Variants in RPL17 observed in about 807,000 individuals in gnomAD.
RPL17 encodes ribosomal protein L17.
Under a neutral mutation model 27.7 loss-of-function variants are expected in RPL17, and 2 were observed. The observed-to-expected ratio is 0.07, with a 90% CI of 0.03 to 0.23. The LOEUF (loss-of-function observed/expected upper bound fraction) is 0.23. Among genes scored for constraint, RPL17 ranks in the 10% least tolerant of loss-of-function variants. The probability of loss-of-function intolerance (pLI) is 1.00; values close to 1 mark genes in which losing one functional copy is unlikely to be tolerated. For missense variants in RPL17, 141 were observed against 238.8 expected (o/e 0.59, Z 2.70); for synonymous variants, 76 against 75.5 (o/e 1.01, Z -0.03).
intron 3 of RPL17, 149 bp from the exon 4 acceptor site, chr18:49,491,076 C>G: frequency 7.7e-7 from 1 of 1,297,988 alleles, no homozygotes; most frequent in African/African-American, 1.5e-5. Context: ...TGACTAAAAG[C>G]CAGGTAAACT....
chr18:49,489,320 T>G (rs780540405), intron 6 of RPL17, 39 bp downstream of exon 6: 2 of 1,608,950 alleles, frequency 1.2e-6, no homozygotes, highest in South Asian at 2.2e-5. Context: ...CACAAATCTT[T>G]CTACTATCAC....
In RPL17 at chr18:49,490,436, T is replaced by C; in HGVS notation, c.315+18A>G. 6.2e-7 allele frequency: 1 copy of C among 1,612,954 alleles called. No homozygotes were observed. On this transcript the variant is annotated intron_variant, in intron 5 of 6. Coordinates refer to ENST00000580261, the MANE Select transcript of RPL17 (RefSeq NM_001035006.5). Reference sequence around the variant, plus strand: ...AAACAACCACCCAAGTTGCACAGGATGTTAGTGGTTTGGGTACCTTAAGTT... The same window carrying C: ...AAACAACCACCCAAGTTGCACAGGACGTTAGTGGTTTGGGTACCTTAAGTT...
At chr18:49,489,135 T>C (rs2083875098) in intron 6 of RPL17, 2 of 450,688 alleles carry the variant, frequency 4.4e-6, no homozygotes, top group Admixed American at 6.9e-5. Context: ...TCTCCTGACC[T>C]TGTGATCCAC....
At chr18:49,489,237 G>A in intron 6 of RPL17, 122 bp downstream of exon 6, 1 of 1,014,026 alleles carries the variant, frequency 9.9e-7, no homozygotes, top group Non-Finnish European at 1.4e-6. Context: ...AATAAGACAG[G>A]TGAAAGGGTT....
At chr18:49,489,297 T>C in intron 6 of RPL17, 62 bp downstream of exon 6, 3 of 1,568,438 alleles carry the variant, frequency 1.9e-6, no homozygotes, top group Non-Finnish European at 2.6e-6. Context: ...CCTAAGATAG[T>C]CATCACAGCA....
At chr18:49,489,251 C>A in intron 6 of RPL17, 108 bp downstream of exon 6, 1 of 1,248,318 alleles carries the variant, frequency 8.0e-7, no homozygotes. Flanking sequence ...AAGGGTTGCT[C>A]AGAATAGTTT....
chr18:49,490,578 C>T, intron 4 of RPL17, 26 bp from the exon 5 acceptor site: 1 of 1,613,290 alleles, frequency 6.2e-7, no homozygotes, highest in South Asian at 1.1e-5. Context: ...GATGATGAGT[C>T]ATTTTCCTTG....
chr18:49,489,078 T>C (rs1319994682), intron 6 of RPL17: 1 of 289,932 alleles, frequency 3.4e-6, no homozygotes, highest in Non-Finnish European at 6.7e-6. Flanking sequence ...TTTTTTTGCA[T>C]TTTTAGTAGA....
In RPL17 at chr18:49,489,256, T is replaced by C. The variant is rs149792613; in HGVS notation, c.507+103A>G. On this transcript the variant is annotated intron_variant, in intron 6 of 6. Transcript: ENST00000580261. ...AGACAGGTGAAAGGGTTGCTCAGAA[T>C]AGTTTTCTTTCATAGTTATTCCAAA... is the stretch of plus-strand genomic sequence containing the variant. 188 of 1,288,814 alleles carry C rather than the reference T, an allele frequency of 1.5e-4. No individual in the cohort carries two copies. In the African/African-American group the frequency reaches 2.6e-3, roughly 18 times the overall value. 79.8% of individuals were successfully genotyped at this position (1,288,814 alleles called of 1,614,324 possible). A position where few individuals can be genotyped will look rare whatever the true frequency, so the allele number is the denominator to read the frequency against.
chr18:49,490,320 G>T, intron 5 of RPL17, 134 bp downstream of exon 5: 1 of 934,066 alleles, frequency 1.1e-6, no homozygotes, highest in Non-Finnish European at 1.6e-6. Context: ...TCATTCTGTG[G>T]AAACTGCAGG....
chr18:49,489,608 C>G, intron 5 of RPL17, 58 bp from the exon 6 acceptor site: 1 of 1,543,978 alleles, frequency 6.5e-7, no homozygotes, highest in Non-Finnish European at 8.8e-7. Context: ...TAAAACACCA[C>G]AAACTATCAT....
At chr18:49,490,728 C>G in intron 4 of RPL17, 65 bp downstream of exon 4, 1 of 1,610,150 alleles carries the variant, frequency 6.2e-7, no homozygotes, top group Non-Finnish European at 8.5e-7. Flanking sequence ...CTTAGCCATT[C>G]TTATCCTATC....
intron 4 of RPL17, 116 bp downstream of exon 4, chr18:49,490,672 GTGTCC>G: frequency 2.5e-6 from 4 of 1,585,188 alleles, no homozygotes; most frequent in Non-Finnish European, 2.6e-6. Context: ...TCAATCCAAG[GTGTCC>G]TGTCATTACA....
chr18:49,490,612 G>A (rs2083998514), intron 4 of RPL17, 60 bp from the exon 5 acceptor site: 1 of 1,609,328 alleles, frequency 6.2e-7, no homozygotes, highest in Middle Eastern at 1.7e-4. Flanking sequence ...TTACAGCCAA[G>A]ATGAATTTAT....
intron 6 of RPL17, among the ~76,000 whole-genome samples, chr18:49,488,809 G>C (rs987483534): frequency 6.6e-6 from 1 of 152,166 alleles, no homozygotes; most frequent in African/African-American, 2.4e-5. Context: ...CTTAGATTTG[G>C]GGAGAGGGCC....
intron 3 of RPL17, 25 bp downstream of exon 3, chr18:49,491,380 T>C: frequency 6.2e-7 from 1 of 1,614,168 alleles, no homozygotes. Flanking sequence ...GAGGAACTGT[T>C]GGATCACAAC....
chr18:49,489,214 T>A (rs1326356076), intron 6 of RPL17, 145 bp downstream of exon 6: 1 of 885,758 alleles, frequency 1.1e-6, no homozygotes, highest in East Asian at 2.7e-5. Flanking sequence ...AGAAACAAAC[T>A]TACAAAAGCC....
At chr18:49,491,127 C>G in intron 3 of RPL17, 200 bp from the exon 4 acceptor site, 1 of 940,958 alleles carries the variant, frequency 1.1e-6, no homozygotes, top group Non-Finnish European at 1.6e-6. Context: ...CATTTATTCA[C>G]TATAAAACGT....
At chr18:49,490,349 T>TG in intron 5 of RPL17, 105 bp downstream of exon 5, 1 of 1,062,080 alleles carries the variant, frequency 9.4e-7, no homozygotes, top group South Asian at 1.6e-5. Flanking sequence ...TAAAAAATCC[T>TG]AAGAGTTAAT....
Sources: allele counts gnomAD v4.1 joint callset (sites outside exome capture counted in the v4.1 genomes callset), GRCh38; gene constraint gnomAD v4.1.1; transcripts MANE v1.5; gene names NCBI Gene and HGNC (gene_info 2026-07-23, HGNC 2026-07-21).